MSR1: variants seen among roughly 807,000 people sequenced by gnomAD.
The protein encoded by MSR1 is macrophage scavenger receptor types I and II.
MSR1 carries 53 observed loss-of-function variants against 47.2 expected under a neutral mutation model. That is an observed-to-expected ratio of 1.12 (90% confidence interval 0.90 to 1.41). The LOEUF is 1.41. Ranked by LOEUF, MSR1 falls within the 40% of genes most tolerant of loss-of-function variation. The pLI is 0.00. For synonymous variants in MSR1, 239 were observed against 185.6 expected (o/e 1.29, Z -2.34); for missense variants, 786 against 546.9 (o/e 1.44, Z -4.36).
At chr8:16,118,744 G>C (rs1799933181) in intron 9 of MSR1, among the ~76,000 whole-genome samples, 1 of 152,094 alleles carries the variant, frequency 6.6e-6, no homozygotes. Context: ...TGGGAGCTCA[G>C]TCTTGTTAAA....
intron 4 of MSR1, among the ~76,000 whole-genome samples, chr8:16,165,991 A>G (rs1329646496): frequency 2.0e-5 from 3 of 152,094 alleles, no homozygotes; most frequent in Admixed American, 1.3e-4. Context: ...GCACACCGCC[A>G]TGATAAATAC....
chr8:16,175,296 A>C lies in MSR1; in HGVS notation c.108T>G (p.Pro36=), dbSNP rs777998479. 89 of 1,613,386 alleles carry C rather than the reference A, an allele frequency of 5.5e-5. No individual in the cohort carries two copies. The highest frequency in any genetic ancestry group is 3.4e-4 in the South Asian group (31 of 91,076). Reference sequence around the variant, plus strand: ...TCTCTTGAAGGGAAGGGCTGTTTTTAGGATCTAATAAAACAAAAAAGCCCA... The same window carrying C: ...TCTCTTGAAGGGAAGGGCTGTTTTTCGGATCTAATAAAACAAAAAAGCCCA... ...RSMTALLPPN[P]KNSPSLQEKL... is the part of the protein sequence containing the mutation. The change falls in exon 3 of 10, where the codon CCT becomes CCG. Residue 36 remains proline, a synonymous_variant. Transcript: ENST00000262101.
chr8:16,163,782 A>C (rs1801226074), intron 5 of MSR1, among the ~76,000 whole-genome samples: 1 of 151,930 alleles, frequency 6.6e-6, no homozygotes, highest in South Asian at 2.1e-4. Context: ...TAATTACAAA[A>C]AACTTGTATT....
intron 3 of MSR1, among the ~76,000 whole-genome samples, chr8:16,173,668 GACGGA>G (rs1563165840): frequency 2.6e-5 from 4 of 151,314 alleles, no homozygotes; most frequent in African/African-American, 9.7e-5. Context: ...TTTTTTTTGA[GACGGA>G]GTCTCGCTCT....
At chr8:16,112,778 C>A (rs1799786901) in intron 9 of MSR1, among the ~76,000 whole-genome samples, 1 of 151,738 alleles carries the variant, frequency 6.6e-6, no homozygotes, top group South Asian at 2.1e-4. Context: ...GAAAGCTATA[C>A]AAAAATTACG....
At chr8:16,139,470 T>C (rs1466736308) in intron 8 of MSR1, 12 of 982,282 alleles carry the variant, frequency 1.2e-5, no homozygotes, top group South Asian at 4.7e-5. Context: ...GCATACCATC[T>C]AGAGTTCTAC....
rs763359718 is a variant in MSR1 at position 16,175,225 on chromosome 8, A to T, written c.179T>A (p.Val60Glu). The T allele has an allele frequency of 6.2e-7, 1 of 1,614,116 alleles. No individual in the cohort carries two copies. Among genetic ancestry groups the T allele is most frequent in the South Asian group, 1.1e-5 (1 of 91,076 alleles). ...AATGAGAGGGATGAGAACTGCAAAC[A>T]CGAGGAGGTAAAGGGCAATCAGTGC... ...KAALIALYLL[V>E]FAVLIPLIGI... The change falls in exon 3 of 10, where the codon GTG (valine) becomes GAG (glutamate). Residue 60 changes from valine (V) to glutamate (E), a missense_variant. Coordinates refer to ENST00000262101, the MANE Select transcript of MSR1 (RefSeq NM_138715.3).
chr8:16,126,432 T>TA (rs1199597270), intron 8 of MSR1, among the ~76,000 whole-genome samples: 1 of 152,168 alleles, frequency 6.6e-6, no homozygotes, highest in Non-Finnish European at 1.5e-5. Context: ...CAATGGTAGT[T>TA]ATGATATTTG....
At chr8:16,167,918 T>G (rs911844762) in intron 4 of MSR1, among the ~76,000 whole-genome samples, 9 of 152,194 alleles carry the variant, frequency 5.9e-5, no homozygotes. Flanking sequence ...TGATAGATTT[T>G]AGACGTGACA....
intron 5 of MSR1, among the ~76,000 whole-genome samples, chr8:16,161,292 G>T (rs1801156442): frequency 6.6e-6 from 1 of 151,890 alleles, no homozygotes; most frequent in South Asian, 2.1e-4. Context: ...GTTGGAAAAT[G>T]ACAAAACCAA....
chr8:16,170,005 G>A (rs1801434124), intron 3 of MSR1, among the ~76,000 whole-genome samples: 1 of 151,976 alleles, frequency 6.6e-6, no homozygotes, highest in South Asian at 2.1e-4. Flanking sequence ...ATAATCTAAA[G>A]CAATATGTTT....
chr8:16,167,286 G>T (rs1198172286), intron 4 of MSR1, among the ~76,000 whole-genome samples: 1 of 152,174 alleles, frequency 6.6e-6, no homozygotes, highest in African/African-American at 2.4e-5. Flanking sequence ...GTTCATGCCT[G>T]TAATCCCAGC....
At chr8:16,112,778 C>T (rs1799786901) in intron 9 of MSR1, among the ~76,000 whole-genome samples, 1 of 151,738 alleles carries the variant, frequency 6.6e-6, no homozygotes. Flanking sequence ...GAAAGCTATA[C>T]AAAAATTACG....
intron 9 of MSR1, among the ~76,000 whole-genome samples, chr8:16,114,519 G>A (rs964927083): frequency 2.6e-5 from 4 of 152,016 alleles, no homozygotes; most frequent in African/African-American, 9.7e-5. Flanking sequence ...CAAGTTTGCT[G>A]CAGGGAGACC....
intron 4 of MSR1, among the ~76,000 whole-genome samples, chr8:16,166,193 C>T (rs1456406069): frequency 3.1e-4 from 32 of 102,256 alleles, no homozygotes; most frequent in East Asian, 3.3e-4. Flanking sequence ...TTTTTTGAGA[C>T]GGAGTCTCGC....
chr8:16,177,614 G>A (rs189204819), intron 2 of MSR1, among the ~76,000 whole-genome samples: 5 of 151,932 alleles, frequency 3.3e-5, no homozygotes, highest in Admixed American at 6.6e-5. Flanking sequence ...ATTAGCTCAC[G>A]GTGCTAGGAT....
intron 9 of MSR1, 151 bp downstream of exon 9, chr8:16,120,267 C>T (rs1475509317): frequency 2.5e-6 from 2 of 791,812 alleles, no homozygotes; most frequent in Non-Finnish European, 4.2e-6. Flanking sequence ...GTCCCAGCTA[C>T]TAGGCAGGCT....
At chr8:16,166,794 T>A (rs1801324949) in intron 4 of MSR1, among the ~76,000 whole-genome samples, 1 of 152,190 alleles carries the variant, frequency 6.6e-6, no homozygotes, top group Admixed American at 6.5e-5. Flanking sequence ...ACTTATAACC[T>A]ATTTCCTCAA....
In MSR1 at chr8:16,139,760, AAAAAAAAAAAAAAAATATATATAT is replaced by A. The variant is rs1434591916; in HGVS notation, c.1033+3774_1033+3797del. On this transcript the variant is annotated intron_variant, in intron 8 of 9. Coordinates refer to ENST00000262101, the MANE Select transcript of MSR1 (RefSeq NM_138715.3). ...CACTTCAAAACTTAAAAAAAAAAAA[AAAAAAAAAAAAAAAATATATATAT>A]ATATATATATATATATATATATATA... The A allele has an allele frequency of 8.1e-5, 13 of 160,730 alleles. No homozygotes were observed. In the African/African-American group the frequency reaches 9.7e-4, roughly 12 times the overall value. The allele number at this position is 160,730 out of a possible 1,614,324, so 10.0% of individuals were successfully genotyped here.
Sources: gnomAD v4.1 joint callset for allele counts (sites outside exome capture counted in the v4.1 genomes callset) on GRCh38, gnomAD v4.1.1 for gene constraint, MANE v1.5 for transcripts, NCBI Gene and HGNC (gene_info 2026-07-23, HGNC 2026-07-21) for gene names.